Variants in DIAPH3 observed in about 807,000 individuals in gnomAD.
The protein encoded by DIAPH3 is protein diaphanous homolog 3.
DIAPH3 carries 117 observed loss-of-function variants against 144.3 expected under a neutral mutation model. The ratio of observed to expected loss-of-function variants is 0.81; its 90% confidence interval spans 0.70 to 0.95. The LOEUF (loss-of-function observed/expected upper bound fraction) is 0.95. Among genes scored for constraint, DIAPH3 ranks in the 40% least tolerant of loss-of-function variants. The probability of loss-of-function intolerance (pLI) is 0.00; values close to 1 mark genes in which losing one functional copy is unlikely to be tolerated. For missense variants in DIAPH3, 1,421 were observed against 1,412.7 expected, an observed-to-expected ratio of 1.01 and a Z score of -0.09; for synonymous variants, 519 against 488.9, an observed-to-expected ratio of 1.06 and a Z score of -0.81.
intron 17 of DIAPH3, among the ~76,000 whole-genome samples, chr13:59,961,871 A>C (rs1278957905): frequency 6.6e-6 from 1 of 152,196 alleles, no homozygotes; most frequent in Non-Finnish European, 1.5e-5. Flanking sequence ...TTGACTAGTA[A>C]AAAATACATC....
At chr13:59,684,650 C>T (rs1174815241) in intron 27 of DIAPH3, among the ~76,000 whole-genome samples, 1 of 152,048 alleles carries the variant, frequency 6.6e-6, no homozygotes, top group Non-Finnish European at 1.5e-5. Flanking sequence ...TGGGTTTGGG[C>T]CTCTTTTCTG....
At chr13:59,684,652 T>A (rs1413463544) in intron 27 of DIAPH3, among the ~76,000 whole-genome samples, 1 of 152,160 alleles carries the variant, frequency 6.6e-6, no homozygotes, top group Non-Finnish European at 1.5e-5. Context: ...GGTTTGGGCC[T>A]CTTTTCTGAT....
At chr13:59,905,198 C>A (rs1481897153) in intron 20 of DIAPH3, among the ~76,000 whole-genome samples, 1 of 151,612 alleles carries the variant, frequency 6.6e-6, no homozygotes, top group Non-Finnish European at 1.5e-5. Context: ...AAAAAATTAG[C>A]CGGGCGTGGT....
chr13:60,013,081 C>T, intron 7 of DIAPH3: 1 of 985,310 alleles, frequency 1.0e-6, no homozygotes, highest in Non-Finnish European at 1.2e-6. Flanking sequence ...TTAATGAGGG[C>T]TGTTTTAGGT....
At chr13:60,060,882 C>T (rs911424663) in intron 4 of DIAPH3, among the ~76,000 whole-genome samples, 12 of 151,948 alleles carry the variant, frequency 7.9e-5, no homozygotes, top group Admixed American at 6.6e-5. Context: ...TCTGTAAAAA[C>T]CCAGCTATCC....
intron 27 of DIAPH3, among the ~76,000 whole-genome samples, chr13:59,673,161 C>T (rs747032949): frequency 2.6e-5 from 4 of 152,136 alleles, no homozygotes; most frequent in Admixed American, 1.3e-4. Flanking sequence ...AGAACAGTAA[C>T]GTAAACTCTT....
At chr13:59,705,812 T>C (rs1441204824) in intron 27 of DIAPH3, among the ~76,000 whole-genome samples, 1 of 152,196 alleles carries the variant, frequency 6.6e-6, no homozygotes, top group East Asian at 1.9e-4. Context: ...AATGAGATTA[T>C]TGAGATTTCT....
intron 1 of DIAPH3, among the ~76,000 whole-genome samples, chr13:60,152,359 A>C (rs957951639): frequency 1.3e-5 from 2 of 152,080 alleles, no homozygotes; most frequent in Non-Finnish European, 2.9e-5. Context: ...ATGACCTCAC[A>C]CTTGGTACAT....
intron 27 of DIAPH3, among the ~76,000 whole-genome samples, chr13:59,709,450 T>G (rs143836050): frequency 1.1e-3 from 166 of 152,268 alleles, no homozygotes; most frequent in African/African-American, 3.8e-3. Flanking sequence ...GAACAGACAC[T>G]TCTCAAAAGA....
At chr13:59,726,416 A>G (rs1039227040) in intron 27 of DIAPH3, among the ~76,000 whole-genome samples, 2 of 152,200 alleles carry the variant, frequency 1.3e-5, no homozygotes, top group African/African-American at 4.8e-5. Flanking sequence ...AAGGGCAGCC[A>G]TCGGTCCCAG....
At chr13:60,095,383 A>G (rs1205200164) in intron 3 of DIAPH3, among the ~76,000 whole-genome samples, 1 of 152,134 alleles carries the variant, frequency 6.6e-6, no homozygotes, top group African/African-American at 2.4e-5. Context: ...GCTCTTGGCA[A>G]TTGTAATTAT....
chr13:60,004,539 T>A (rs1204845624), intron 9 of DIAPH3, among the ~76,000 whole-genome samples: 1 of 152,182 alleles, frequency 6.6e-6, no homozygotes, highest in African/African-American at 2.4e-5. Context: ...ATGAGAAACC[T>A]TTATTAAGGA....
At chr13:59,679,385 C>T (rs2032817197) in intron 27 of DIAPH3, among the ~76,000 whole-genome samples, 2 of 152,158 alleles carry the variant, frequency 1.3e-5, no homozygotes, top group Non-Finnish European at 1.5e-5. Context: ...CCCTTTACTG[C>T]TGTAGATTCT....
chr13:60,055,827 A>C (rs1037922426), intron 4 of DIAPH3, among the ~76,000 whole-genome samples: 2 of 151,920 alleles, frequency 1.3e-5, no homozygotes, highest in Non-Finnish European at 2.9e-5. Flanking sequence ...GTGGATGGGA[A>C]TATGGTAGAA....
chr13:60,163,239 C>A lies in DIAPH3; in HGVS notation c.180+348G>T, dbSNP rs147002084. 3.9e-3 allele frequency among the ~76,000 whole-genome samples: 600 copies of A among 152,138 alleles called. 3 individuals carry two copies. The highest frequency in any genetic ancestry group is 0.014 in the African/African-American group (572 of 41,504). On this transcript the variant is annotated intron_variant, in intron 1 of 27. Transcript: ENST00000400324. ...ATTAAAATAATAAGCAGAAAAAAAACCTGTCACCTAAAAGTTCATTTTGAT... is the reference window on the plus strand; with the variant it reads ...ATTAAAATAATAAGCAGAAAAAAAAACTGTCACCTAAAAGTTCATTTTGAT...
At chr13:59,813,850 CTT>C (rs2040622019) in intron 24 of DIAPH3, among the ~76,000 whole-genome samples, 2 of 139,048 alleles carry the variant, frequency 1.4e-5, no homozygotes, top group African/African-American at 5.4e-5. Flanking sequence ...CAGAGCAAGA[CTT>C]TGTCTCAAAA....
rs139890975 is a variant in DIAPH3, at chr13:59,939,254, T to A, written c.2075-14384A>T. Among the ~76,000 whole-genome samples, 55 of 152,332 alleles carry A rather than the reference T, an allele frequency of 3.6e-4. 1 individual carries two copies. The East Asian group carries it at 0.011, about 29-fold the overall frequency. On this transcript the variant is annotated intron_variant, in intron 17 of 27. Transcript: ENST00000400324. ...ATTGGTTTGACTATTTATATAATGA[T>A]ATAGATAATGCTGTTACAAAATAAC... is the stretch of plus-strand genomic sequence containing the variant.
intron 4 of DIAPH3, among the ~76,000 whole-genome samples, chr13:60,063,698 A>G (rs2056852726): frequency 6.6e-6 from 1 of 152,092 alleles, no homozygotes; most frequent in Admixed American, 6.6e-5. Context: ...AGGCCGAGAC[A>G]AGTGGATCAC....
intron 27 of DIAPH3, among the ~76,000 whole-genome samples, chr13:59,760,845 T>C (rs898502256): frequency 1.3e-5 from 2 of 152,204 alleles, no homozygotes; most frequent in Non-Finnish European, 2.9e-5. Context: ...CTAGAAATTG[T>C]AATAAGACAG....
Sources: allele counts gnomAD v4.1 joint callset (sites outside exome capture counted in the v4.1 genomes callset), GRCh38; gene constraint gnomAD v4.1.1; transcripts MANE v1.5; gene names NCBI Gene and HGNC (gene_info 2026-07-23, HGNC 2026-07-21).